Variants in ABCG1 observed in about 807,000 individuals in gnomAD.
The protein encoded by ABCG1 is ATP-binding cassette sub-family G member 1.
Under a neutral mutation model 69.2 loss-of-function variants are expected in ABCG1, and 29 were observed. The ratio of observed to expected loss-of-function variants is 0.42; its 90% CI spans 0.31 to 0.57. ABCG1 has a LOEUF of 0.57. Ranked by LOEUF, ABCG1 falls within the 20% of genes least tolerant of loss-of-function variation. The pLI, the probability that ABCG1 is intolerant of heterozygous loss-of-function variation, is 0.15. For synonymous variants in ABCG1, 370 were observed against 374.8 expected, an observed-to-expected ratio of 0.99 and a Z score of 0.15; for missense variants, 718 against 898.1, an observed-to-expected ratio of 0.80 and a Z score of 2.56.
At chr21:42,228,977 A>T (rs995329119) in intron 2 of ABCG1, among the ~76,000 whole-genome samples, 11 of 152,074 alleles carry the variant, frequency 7.2e-5, no homozygotes, top group African/African-American at 2.7e-4. Flanking sequence ...ATCCCACTGG[A>T]CCTCACCCAC....
upstream of ABCG1, among the ~76,000 whole-genome samples, chr21:42,214,451 G>A (rs536413630): frequency 4.9e-4 from 74 of 152,324 alleles, no homozygotes; most frequent in Middle Eastern, 6.8e-3. Flanking sequence ...TAAGACACAC[G>A]TACACTCCCT....
intron 1 of ABCG1, among the ~76,000 whole-genome samples, chr21:42,222,588 G>A (rs765461617): frequency 3.9e-5 from 6 of 152,122 alleles, no homozygotes; most frequent in Admixed American, 6.5e-5. Context: ...GCCTGGCCAC[G>A]CCCTAATCAT....
chr21:42,277,994 C>A (rs1404826714), intron 5 of ABCG1, among the ~76,000 whole-genome samples: 1 of 152,218 alleles, frequency 6.6e-6, no homozygotes, highest in Non-Finnish European at 1.5e-5. Flanking sequence ...CAGGATTCAG[C>A]CCGTGTCACC....
intron 5 of ABCG1, among the ~76,000 whole-genome samples, chr21:42,278,786 C>T (rs752659621): frequency 6.6e-5 from 10 of 152,148 alleles, no homozygotes; most frequent in Admixed American, 2.0e-4. Flanking sequence ...AGCTGAGTCT[C>T]GGCGAAGTCT....
At position 42,284,669 on chromosome 21, in the gene ABCG1, G is replaced by C. The variant is rs547556687; in HGVS notation, c.844G>C (p.Glu282Gln). ...TIHQPSAKLF[E>Q]LFDQLYVLSQ... Reference sequence around the variant, plus strand: ...CCACCAGCCCAGCGCCAAACTCTTCGAGCTGTTCGACCAGGTACGCGGGCC... The same window carrying C: ...CCACCAGCCCAGCGCCAAACTCTTCCAGCTGTTCGACCAGGTACGCGGGCC... The change falls in exon 7 of 15, where the codon GAG (glutamate) becomes CAG (glutamine). Residue 282 changes from glutamate (E) to glutamine (Q), a missense_variant. Glu to Gln is a conservative substitution (Grantham distance 29, BLOSUM62 2). This residue lies in a region of ABCG1 where 514 missense variants were observed against 574.3 expected (regional missense o/e 0.90). Transcript: ENST00000398449. The C allele has an allele frequency of 1.2e-6, 2 of 1,613,440 alleles. No homozygotes were observed. Among genetic ancestry groups the C allele is most frequent in the South Asian group, 2.2e-5 (2 of 91,082 alleles).
At chr21:42,292,261 T>G (rs2069077782) in intron 13 of ABCG1, among the ~76,000 whole-genome samples, 1 of 152,044 alleles carries the variant, frequency 6.6e-6, no homozygotes, top group Admixed American at 6.6e-5. Context: ...CCATGCTGGG[T>G]GCAGTGTATT....
At position 42,288,805 on chromosome 21, in the gene ABCG1, C is replaced by T. The variant is rs1188611085; in HGVS notation, c.1224+493C>T. Among the ~76,000 whole-genome samples the T allele has an allele frequency of 6.6e-6, 1 of 152,142 alleles. No homozygotes were observed. Among genetic ancestry groups the T allele is most frequent in the East Asian group, 1.9e-4 (1 of 5,202 alleles). ...GAAAAAAGAAAGAAAGAAAGAAATGCCTGAGCCTGGGGAATTTATAAAGAA... is the reference window on the plus strand; with the variant it reads ...GAAAAAAGAAAGAAAGAAAGAAATGTCTGAGCCTGGGGAATTTATAAAGAA... On this transcript the variant is annotated intron_variant, in intron 10 of 14. Coordinates refer to ENST00000398449, the MANE Select transcript of ABCG1 (RefSeq NM_016818.3). The surrounding 1 kb of genome is among the most constrained non-coding windows in gnomAD (Gnocchi z 4.8).
intron 13 of ABCG1, among the ~76,000 whole-genome samples, chr21:42,293,152 C>CAT (rs1463912586): frequency 4.1e-5 from 6 of 147,070 alleles, no homozygotes; most frequent in East Asian, 2.1e-4. Context: ...ACACACCACA[C>CAT]ACGGTACACA....
chr21:42,201,478 A>G, intron 1 of ABCG1: 1 of 735,642 alleles, frequency 1.4e-6, no homozygotes, highest in Non-Finnish European at 2.1e-6. Context: ...ACTGGTCTGC[A>G]GCCCAGGGGT....
rs547198871 is a variant in ABCG1 at position 42,284,363 on chromosome 21, C to G, written c.735-197C>G. On this transcript the variant is annotated intron_variant, in intron 6 of 14. Transcript: ENST00000398449. ...CTTACCAGGAATAAAATGCAACATG[C>G]AAAGCCCTGCTGTGTGCCCTGCCAC... Among the ~76,000 whole-genome samples the G allele has an allele frequency of 1.6e-4, 24 of 152,238 alleles. 1 individual carries two copies. Among genetic ancestry groups the G allele is most frequent in the East Asian group, 9.6e-4 (5 of 5,186 alleles).
intron 2 of ABCG1, among the ~76,000 whole-genome samples, chr21:42,244,439 A>G (rs2068102607): frequency 6.6e-6 from 1 of 152,234 alleles, no homozygotes; most frequent in Admixed American, 6.5e-5. Flanking sequence ...TTAGAAACAC[A>G]GTTAACACAG....
chr21:42,263,632 G>A (rs956722851), intron 2 of ABCG1, among the ~76,000 whole-genome samples: 13 of 152,206 alleles, frequency 8.5e-5, no homozygotes, highest in African/African-American at 2.7e-4. Flanking sequence ...CATTGTCTAC[G>A]GGTTTCCTGA....
chr21:42,274,036 C>T (rs1039686657), intron 4 of ABCG1, among the ~76,000 whole-genome samples: 2 of 152,240 alleles, frequency 1.3e-5, no homozygotes, highest in Non-Finnish European at 2.9e-5. Flanking sequence ...CAGGGTCACA[C>T]GGCTGCTGAT....
chr21:42,278,566 A>G (rs2068750564), intron 5 of ABCG1, among the ~76,000 whole-genome samples: 1 of 152,208 alleles, frequency 6.6e-6, no homozygotes, highest in Admixed American at 6.5e-5. Context: ...GTGAGGACAC[A>G]GGGAGGAGGC....
intron 2 of ABCG1, among the ~76,000 whole-genome samples, chr21:42,248,491 C>G (rs1169459299): frequency 2.0e-5 from 3 of 152,210 alleles, no homozygotes; most frequent in Non-Finnish European, 2.9e-5. Flanking sequence ...TACGCACCCT[C>G]TGTGGCCCAG....
At position 42,291,638 on chromosome 21, in the gene ABCG1, C is replaced by T. The variant is rs760788793; in HGVS notation, c.1635C>T (p.Ala545=). Residue 545 remains alanine, a synonymous_variant, in exon 13 of 15, where the codon GCC becomes GCT. Transcript: ENST00000398449. The surrounding 1 kb of genome is among the most constrained non-coding windows in gnomAD (Gnocchi z 6.4). Reference sequence around the variant, plus strand: ...AGTCCCTGGGCCTGCTGATCGGAGCCGCCTCCACGTCCCTGCAGGTGCCAG... The same window carrying T: ...AGTCCCTGGGCCTGCTGATCGGAGCTGCCTCCACGTCCCTGCAGGTGCCAG... The part of the protein sequence containing the change: ...VAQSLGLLIG[A]ASTSLQVATF... 7.5e-6 allele frequency: 12 copies of T among 1,604,214 alleles called. No homozygotes were observed. Among genetic ancestry groups the T allele is most frequent in the Middle Eastern group, 1.6e-4 (1 of 6,076 alleles).
At chr21:42,210,491 G>T (rs1026852263) in intron 2 of ABCG1, among the ~76,000 whole-genome samples, 5 of 151,998 alleles carry the variant, frequency 3.3e-5, no homozygotes, top group African/African-American at 1.2e-4. Context: ...GTCATCTTGG[G>T]GCCAGATGTT....
chr21:42,278,033 G>A (rs532397912), intron 5 of ABCG1, among the ~76,000 whole-genome samples: 1 of 152,208 alleles, frequency 6.6e-6, no homozygotes, highest in Non-Finnish European at 1.5e-5. Flanking sequence ...GCCCGGTGCA[G>A]GTGGAAAGAG....
chr21:42,258,880 G>A (rs1901859371), intron 2 of ABCG1, among the ~76,000 whole-genome samples: 1 of 152,216 alleles, frequency 6.6e-6, no homozygotes. Flanking sequence ...CACCCAGGAG[G>A]GAGCTGCTCC....
Sources: gnomAD v4.1 joint callset for allele counts (sites outside exome capture counted in the v4.1 genomes callset) on GRCh38, gnomAD v4.1.1 for gene constraint, gnomAD v4.1.1 regional missense constraint, Gnocchi (gnomAD v3.1) non-coding constraint, MANE v1.5 for transcripts, NCBI Gene and HGNC (gene_info 2026-07-23, HGNC 2026-07-21) for gene names.